The following PLCB1 variants were observed in gnomAD, a reference collection of about 807,000 sequenced individuals.
PLCB1 encodes the protein phospholipase C beta 1.
PLCB1 carries 46 observed loss-of-function variants against 161.8 expected under a neutral mutation model. The observed-to-expected ratio is 0.28, with a 90% confidence interval of 0.22 to 0.36. The LOEUF (loss-of-function observed/expected upper bound fraction) is 0.36. PLCB1 is among the 10% of genes least tolerant of loss of function. The pLI is 1.00. For missense variants in PLCB1, 1,016 were observed against 1,472.5 expected (o/e 0.69, Z 5.07); for synonymous variants, 517 against 503.7 (o/e 1.03, Z -0.35).
intron 27 of PLCB1, among the ~76,000 whole-genome samples, chr20:8,778,351 A>G (rs1983046703): frequency 6.6e-6 from 1 of 152,120 alleles, no homozygotes; most frequent in African/African-American, 2.4e-5. Context: ...TCCCAGGAAC[A>G]ATGCCTCAGC....
chr20:8,160,833 C>T (rs979010100), intron 2 of PLCB1, among the ~76,000 whole-genome samples: 1 of 152,132 alleles, frequency 6.6e-6, no homozygotes, highest in African/African-American at 2.4e-5. Flanking sequence ...ATTTATCACA[C>T]ACACACAAAA....
chr20:8,258,303 A>G (rs1053955592), intron 2 of PLCB1, among the ~76,000 whole-genome samples: 1 of 152,190 alleles, frequency 6.6e-6, no homozygotes, highest in Non-Finnish European at 1.5e-5. Context: ...GAAAGTGATT[A>G]TAGTTCTCTT....
At chr20:8,622,753 G>T (rs918380780) in intron 3 of PLCB1, among the ~76,000 whole-genome samples, 5 of 50,662 alleles carry the variant, frequency 9.9e-5, no homozygotes, top group African/African-American at 4.5e-4. Flanking sequence ...TAAATTACTT[G>T]TCCTCAGATC....
rs183405086 is a variant in PLCB1, at chr20:8,449,084, A to G, written c.246+77634A>G. On this transcript the variant is annotated intron_variant, in intron 3 of 31. Transcript: ENST00000338037. ...AAATTCAAACTAACAGAAATTGGAT[A>G]TATTTCTTGGTGTTCATGAGCATTG... Among the ~76,000 whole-genome samples, 344 of 152,352 alleles carry G rather than the reference A, an allele frequency of 2.3e-3. 2 individuals are homozygous for G. The highest frequency in any genetic ancestry group is 7.6e-3 in the African/African-American group (317 of 41,580).
At chr20:8,673,113 AAAAT>A (rs145820624) in intron 9 of PLCB1, among the ~76,000 whole-genome samples, 6,123 of 146,828 alleles carry the variant, frequency 0.042, 218 homozygotes, top group African/African-American at 0.11. Context: ...GTCCATCCCA[AAAAT>A]AAATAAATAA....
intron 3 of PLCB1, among the ~76,000 whole-genome samples, chr20:8,443,417 T>C (rs944524610): frequency 2.6e-5 from 4 of 152,200 alleles, no homozygotes; most frequent in Non-Finnish European, 4.4e-5. Flanking sequence ...TATAAGGTAA[T>C]GGAAGAGTAT....
At chr20:8,213,326 G>A (rs1163296639) in intron 2 of PLCB1, among the ~76,000 whole-genome samples, 1 of 152,172 alleles carries the variant, frequency 6.6e-6, no homozygotes, top group Non-Finnish European at 1.5e-5. Flanking sequence ...GTCTGATGGT[G>A]GCTGGCAGTG....
intron 2 of PLCB1, among the ~76,000 whole-genome samples, chr20:8,332,580 G>A (rs909817250): frequency 6.6e-6 from 1 of 152,214 alleles, no homozygotes; most frequent in Non-Finnish European, 1.5e-5. Flanking sequence ...ATCCCTAGAT[G>A]AGAAAATGGA....
At chr20:8,384,041 G>A (rs1987344071) in intron 3 of PLCB1, among the ~76,000 whole-genome samples, 1 of 152,052 alleles carries the variant, frequency 6.6e-6, no homozygotes, top group Middle Eastern at 3.2e-3. Context: ...GGTGTTCTCT[G>A]TATTTCCTGA....
chr20:8,515,230 G>A (rs1726412460), intron 3 of PLCB1, among the ~76,000 whole-genome samples: 1 of 152,120 alleles, frequency 6.6e-6, no homozygotes, highest in Non-Finnish European at 1.5e-5. Context: ...GGCTATAATA[G>A]CCCTTCAATT....
intron 11 of PLCB1, among the ~76,000 whole-genome samples, chr20:8,700,119 C>G (rs564865034): frequency 6.6e-6 from 1 of 152,260 alleles, no homozygotes; most frequent in South Asian, 2.1e-4. Flanking sequence ...GCAGCTTGGG[C>G]TCATCTGTCT....
chr20:8,862,009 G>C (rs1019772005), intron 31 of PLCB1, among the ~76,000 whole-genome samples: 1 of 152,012 alleles, frequency 6.6e-6, no homozygotes, highest in South Asian at 2.1e-4. Context: ...CTTTAAAATT[G>C]TATTTCCTTT....
chr20:8,666,726 C>T (rs777339052), intron 9 of PLCB1, among the ~76,000 whole-genome samples: 26 of 152,280 alleles, frequency 1.7e-4, no homozygotes, highest in Non-Finnish European at 2.4e-4. Flanking sequence ...AGTTAGTGAT[C>T]GATGTCTATA....
chr20:8,388,222 C>G (rs997059014), intron 3 of PLCB1, among the ~76,000 whole-genome samples: 1 of 151,980 alleles, frequency 6.6e-6, no homozygotes, highest in African/African-American at 2.4e-5. Context: ...TATATCATGA[C>G]CGTTTCCTGC....
chr20:8,753,539 G>C (rs187416543), intron 23 of PLCB1, among the ~76,000 whole-genome samples: 52 of 152,174 alleles, frequency 3.4e-4, no homozygotes, highest in African/African-American at 9.9e-4. Context: ...TTGGCCACTG[G>C]GGCGAGAAGG....
chr20:8,633,073 TA>T (rs375963042), intron 4 of PLCB1, among the ~76,000 whole-genome samples: 24 of 142,634 alleles, frequency 1.7e-4, no homozygotes, highest in African/African-American at 6.3e-4. Flanking sequence ...GTGGAGGAAA[TA>T]AAAAGGAATC....
chr20:8,819,403 A>G (rs987339031), intron 31 of PLCB1, among the ~76,000 whole-genome samples: 1 of 152,216 alleles, frequency 6.6e-6, no homozygotes, highest in Non-Finnish European at 1.5e-5. Context: ...ATATAAAACT[A>G]TAAATCTTTA....
intron 2 of PLCB1, among the ~76,000 whole-genome samples, chr20:8,176,091 A>G (rs1362581079): frequency 6.6e-6 from 1 of 152,218 alleles, no homozygotes; most frequent in Non-Finnish European, 1.5e-5. Flanking sequence ...AGTTTCTTAT[A>G]AAACTAAACA....
chr20:8,607,671 G>A (rs5002940), intron 3 of PLCB1, among the ~76,000 whole-genome samples: 45,456 of 151,816 alleles, frequency 0.3, 8,327 homozygotes, highest in Non-Finnish European at 0.4. Context: ...TTTCATCATT[G>A]ACTTCTTCTC....
Sources: gnomAD v4.1 joint callset for allele counts (sites outside exome capture counted in the v4.1 genomes callset) on GRCh38, gnomAD v4.1.1 for gene constraint, MANE v1.5 for transcripts, NCBI Gene and HGNC (gene_info 2026-07-23, HGNC 2026-07-21) for gene names.